The following WNK2 variants were observed in gnomAD, a reference collection of about 807,000 sequenced individuals.
WNK2 encodes serine/threonine-protein kinase WNK2.
In WNK2, 67 loss-of-function variants were observed where a neutral mutation model predicts 192.1. The ratio of observed to expected loss-of-function variants is 0.35; its 90% CI spans 0.29 to 0.43. WNK2 has a LOEUF of 0.43. WNK2 is among the 20% of genes least tolerant of loss of function. WNK2 has a pLI of 1.00. For missense variants in WNK2, 2,698 were observed against 3,089.7 expected (o/e 0.87, Z 3.01); for synonymous variants, 1,439 against 1,393.9 (o/e 1.03, Z -0.72).
Position 93,259,333 on chromosome 9 carries a change from C to G in WNK2, c.2785C>G (p.His929Asp), listed in dbSNP as rs760817315. 1.2e-6 allele frequency: 2 copies of G among 1,613,602 alleles called. No individual in the cohort carries two copies. Among genetic ancestry groups the G allele is most frequent in the Non-Finnish European group, 1.7e-6 (2 of 1,179,756 alleles). Residue 929 changes from histidine to aspartate, a missense_variant, in exon 12 of 30, where the codon CAT (histidine) becomes GAT (aspartate). Physicochemically the swap from His to Asp is moderately conservative, Grantham distance 81 (BLOSUM62 -1). Transcript: ENST00000427277. This position sits in a 1 kb window ranked among gnomAD's most constrained non-coding sequence, Gnocchi z 4.8. Reference protein sequence around the residue: ...MAPTDVPPSPHHTVQNMRATP... With the variant: ...MAPTDVPPSPDHTVQNMRATP... ...GCCTACTGACGTCCCTCCTTCCCCC[C>G]ATCACACGGTGCAGAATATGAGGGC... is the stretch of plus-strand genomic sequence containing the variant.
In WNK2 at chr9:93,313,964, C is replaced by G. The variant is rs145422124; in HGVS notation, c.6517-3556C>G. On this transcript the variant is annotated intron_variant, in intron 28 of 29. Coordinates refer to ENST00000427277, the MANE Select transcript of WNK2 (RefSeq NM_006648.4). Reference sequence around the variant, plus strand: ...GCAATATGGCAAAACCTCATCTCTACAAAAAATATAAAAATTAGCTGGGCT... The same window carrying G: ...GCAATATGGCAAAACCTCATCTCTAGAAAAAATATAAAAATTAGCTGGGCT... 8.4e-3 allele frequency among the ~76,000 whole-genome samples: 1,278 copies of G among 152,058 alleles called. 29 individuals are homozygous for G. Among genetic ancestry groups the G allele is most frequent in the African/African-American group, 0.029 (1,209 of 41,476 alleles).
chr9:93,257,029 C>T lies in WNK2; in HGVS notation c.2272C>T (p.His758Tyr), dbSNP rs41278262. The T allele has an allele frequency of 7.5e-6, 12 of 1,604,430 alleles. No individual in the cohort carries two copies. The highest frequency in any genetic ancestry group is 2.2e-5 in the East Asian group (1 of 44,568). The change falls in exon 11 of 30, where the codon CAC becomes TAC. Residue 758 changes from histidine (H) to tyrosine (Y), a missense_variant. By Grantham distance (83) the His-to-Tyr change is moderately conservative (BLOSUM62 2). Transcript: ENST00000427277. The surrounding 1 kb of genome is among the most constrained non-coding windows in gnomAD (Gnocchi z 4.7). ...GGTCCCCCTCCAGCCGGTTCCCCCC[C>T]ACCTGCCACCGTACCTGGCTCCAGC... ...PVVPLQPVPP[H>Y]LPPYLAPASQ...
chr9:93,240,684 C>T (rs888787429), intron 7 of WNK2, among the ~76,000 whole-genome samples: 9 of 152,030 alleles, frequency 5.9e-5, no homozygotes, highest in Non-Finnish European at 1.0e-4. Flanking sequence ...GCCACGCTGA[C>T]GATGCCAGGG....
chr9:93,192,520 A>T (rs1421713956), intron 2 of WNK2, among the ~76,000 whole-genome samples: 1 of 149,610 alleles, frequency 6.7e-6, no homozygotes, highest in Non-Finnish European at 1.5e-5. Context: ...TCCCAGGCTG[A>T]TCCTGAGTTG....
At chr9:93,185,697 C>CT (rs1216375006) in intron 2 of WNK2, 87 bp downstream of exon 2, 1 of 1,476,446 alleles carries the variant, frequency 6.8e-7, no homozygotes, top group Non-Finnish European at 9.1e-7. Flanking sequence ...TGCGCCTGGC[C>CT]TTAAGAAGCC....
chr9:93,292,392 C>T lies in WNK2; in HGVS notation c.5021C>T (p.Pro1674Leu). The change falls in exon 22 of 30, where the codon CCC becomes CTC. Residue 1674 changes from proline to leucine, a missense_variant. Pro to Leu is a moderately conservative substitution (Grantham distance 98, BLOSUM62 -3). Around this residue, in one of 7 missense-constraint regions of WNK2, gnomAD observed 1,098 missense variants for 1,101.0 expected, o/e 1.00. Coordinates refer to ENST00000427277, the MANE Select transcript of WNK2 (RefSeq NM_006648.4). ...ASDSHVVPSV[P>L]QDVPAFVRPA... ...GACTCCCATGTGGTCCCCAGCGTCC[C>T]CCAGGTAAGGGCGACTTGACGACCC... 1 of 1,613,960 alleles carries T rather than the reference C, an allele frequency of 6.2e-7. No individual in the cohort carries two copies. Among genetic ancestry groups the T allele is most frequent in the African/African-American group, 1.3e-5 (1 of 75,050 alleles).
Position 93,258,956 on chromosome 9 carries a change from C to A in WNK2, c.2408C>A (p.Pro803His). 6.2e-7 allele frequency: 1 copy of A among 1,612,744 alleles called. No individual in the cohort carries two copies. Among genetic ancestry groups the A allele is most frequent in the Non-Finnish European group, 8.5e-7 (1 of 1,179,618 alleles). Reference sequence around the variant, plus strand: ...ATGCCCCCGATTCCTGTTGTGCCCCCCATCACGCCCCTGGCGGGAATCGAC... The same window carrying A: ...ATGCCCCCGATTCCTGTTGTGCCCCACATCACGCCCCTGGCGGGAATCGAC... The part of the protein sequence containing the change: ...PQMPPIPVVP[P>H]ITPLAGIDGL... Residue 803 changes from proline to histidine, a missense_variant, in exon 12 of 30, where the codon CCC becomes CAC. Physicochemically the swap from Pro to His is moderately conservative, Grantham distance 77 (BLOSUM62 -2). This residue lies in a region of WNK2 where 893 missense variants were observed against 909.0 expected (regional missense o/e 0.98). Coordinates refer to ENST00000427277, the MANE Select transcript of WNK2 (RefSeq NM_006648.4).
Position 93,288,644 on chromosome 9 carries a change from A to G in WNK2, c.4034-144A>G, listed in dbSNP as rs1041474559. 3 of 852,404 alleles carry G rather than the reference A, an allele frequency of 3.5e-6. No homozygotes were observed. In the Admixed American group the frequency reaches 9.3e-5, roughly 26 times the overall value. The allele number at this position is 852,404 out of a possible 1,614,324, so 52.8% of individuals were successfully genotyped here. Reference sequence around the variant, plus strand: ...AGGCTGGGCTGAGCTGCAGGCAGGCAGGAGCCTGGCGTGTCGGGAAACAGA... The same window carrying G: ...AGGCTGGGCTGAGCTGCAGGCAGGCGGGAGCCTGGCGTGTCGGGAAACAGA... On this transcript the variant is annotated intron_variant, in intron 19 of 29. Transcript: ENST00000427277.
At chr9:93,304,324 A>G (rs1852113725) in intron 26 of WNK2, among the ~76,000 whole-genome samples, 1 of 152,212 alleles carries the variant, frequency 6.6e-6, no homozygotes, top group Admixed American at 6.5e-5. Flanking sequence ...CGGCTGCACA[A>G]AAGCAGGAGA....
intron 19 of WNK2, among the ~76,000 whole-genome samples, chr9:93,271,663 G>A (rs894559279): frequency 2.6e-5 from 4 of 152,226 alleles, no homozygotes; most frequent in African/African-American, 9.6e-5. Flanking sequence ...CAGAGCTTCA[G>A]GGAACTGCGG....
At chr9:93,287,000 G>A (rs1216288779) in intron 19 of WNK2, among the ~76,000 whole-genome samples, 1 of 151,448 alleles carries the variant, frequency 6.6e-6, no homozygotes, top group Non-Finnish European at 1.5e-5. Flanking sequence ...GAAGTTGCCA[G>A]CAGCTGGAGG....
chr9:93,303,300 G>T (rs898563365), intron 26 of WNK2, among the ~76,000 whole-genome samples: 1 of 152,166 alleles, frequency 6.6e-6, no homozygotes, highest in African/African-American at 2.4e-5. Context: ...TCTGGTCGTG[G>T]TTCTGTTGGT....
At chr9:93,192,229 G>A (rs1180396213) in intron 2 of WNK2, among the ~76,000 whole-genome samples, 2 of 151,618 alleles carry the variant, frequency 1.3e-5, no homozygotes, top group Non-Finnish European at 2.9e-5. Context: ...CAAGAGAATC[G>A]CTTGAACCCA....
chr9:93,214,712 G>T (rs978541555), intron 2 of WNK2, among the ~76,000 whole-genome samples: 1 of 50,576 alleles, frequency 2.0e-5, no homozygotes, highest in African/African-American at 7.5e-5. Flanking sequence ...CCCCCCCCCC[G>T]CCCTCTCTTT....
At chr9:93,317,822 G>T in intron 29 of WNK2, 191 bp downstream of exon 29, 1 of 1,497,284 alleles carries the variant, frequency 6.7e-7, no homozygotes, top group South Asian at 1.3e-5. Flanking sequence ...TGGTCAGCAT[G>T]CCTGGCCCCC....
chr9:93,299,301 A>G, intron 25 of WNK2, 40 bp downstream of exon 25: 1 of 1,537,266 alleles, frequency 6.5e-7, no homozygotes, highest in Non-Finnish European at 8.8e-7. Flanking sequence ...TGTGCTAGCC[A>G]CGTAGGGCCT....
intron 26 of WNK2, 36 bp from the exon 27 acceptor site, chr9:93,306,741 C>T: frequency 4.3e-6 from 7 of 1,613,948 alleles, no homozygotes; most frequent in Non-Finnish European, 4.2e-6. Flanking sequence ...TTCTGCCTAA[C>T]CCTGTGGTCT....
intron 21 of WNK2, among the ~76,000 whole-genome samples, chr9:93,291,441 G>A (rs1323789702): frequency 6.6e-6 from 1 of 152,234 alleles, no homozygotes; most frequent in African/African-American, 2.4e-5. Flanking sequence ...GAGCCATTTA[G>A]AAGTAGAGAG....
At chr9:93,256,724 A>AGATCTGCTGTGCCCTGGCTCCAGGCT (rs1843361815) in intron 10 of WNK2, 1 of 667,600 alleles carries the variant, frequency 1.5e-6, no homozygotes, top group African/African-American at 1.8e-5. Flanking sequence ...CATTTCTGCA[A>AGATCTGCTGTGCCCTGGCTCCAGGCT]GATCTGCTGT....
Sources: allele counts gnomAD v4.1 joint callset (sites outside exome capture counted in the v4.1 genomes callset), GRCh38; gene constraint gnomAD v4.1.1; regional missense constraint gnomAD v4.1.1; non-coding constraint Gnocchi (gnomAD v3.1); transcripts MANE v1.5; gene names NCBI Gene and HGNC (gene_info 2026-07-23, HGNC 2026-07-21).